PCDHGA6: variants seen among roughly 807,000 people sequenced by gnomAD.
The protein encoded by PCDHGA6 is protocadherin gamma-A6.
Under a neutral mutation model 60.6 loss-of-function variants are expected in PCDHGA6, and 41 were observed. The observed-to-expected ratio is 0.68, with a 90% confidence interval of 0.53 to 0.88. The LOEUF (loss-of-function observed/expected upper bound fraction) is 0.88, where lower values mean the gene tolerates loss of function less well. Among genes scored for constraint, PCDHGA6 ranks in the 40% least tolerant of loss-of-function variants. PCDHGA6 has a pLI of 0.00. For missense variants in PCDHGA6, 1,312 were observed against 1,203.0 expected (o/e 1.09, Z -1.34); for synonymous variants, 594 against 524.4 (o/e 1.13, Z -1.81).
intron 1 of PCDHGA6, among the ~76,000 whole-genome samples, chr5:141,386,638 G>A (rs1376557329): frequency 6.6e-6 from 1 of 151,840 alleles, no homozygotes; most frequent in Non-Finnish European, 1.5e-5. Flanking sequence ...CACCCAGGCT[G>A]GATACATTTT....
intron 1 of PCDHGA6, chr5:141,421,308 C>T: frequency 6.2e-7 from 1 of 1,613,678 alleles, no homozygotes; most frequent in Non-Finnish European, 8.5e-7. Flanking sequence ...TGCGGGGGTT[C>T]CGGGCCAGGC....
chr5:141,462,657 T>G (rs949098251), intron 1 of PCDHGA6, among the ~76,000 whole-genome samples: 1 of 152,164 alleles, frequency 6.6e-6, no homozygotes, highest in East Asian at 1.9e-4. Flanking sequence ...TCCTCAATTA[T>G]CTTCATATTT....
In PCDHGA6 at chr5:141,374,285, T is replaced by A; in HGVS notation, c.202T>A (p.Ser68Thr). 1 of 1,613,970 alleles carries A rather than the reference T, an allele frequency of 6.2e-7. No homozygotes were observed. Reference protein sequence around the residue: ...ELAEHGVRIVSRGRMQLFSLN... With the variant: ...ELAEHGVRIVTRGRMQLFSLN... ...GGCGGAGCACGGAGTCCGCATCGTC[T>A]CCAGAGGTAGGATGCAGCTTTTCTC... Residue 68 changes from serine to threonine, a missense_variant, in exon 1 of 4, where the codon TCC (serine) becomes ACC (threonine). By Grantham distance (58) the Ser-to-Thr change is moderately conservative. Coordinates refer to ENST00000517434, the MANE Select transcript of PCDHGA6 (RefSeq NM_018919.3).
In PCDHGA6 at chr5:141,491,463, C is replaced by CT. The variant is rs765984397; in HGVS notation, c.2425-3343dup. The CT allele has an allele frequency of 6.2e-7, 1 of 1,614,112 alleles. No homozygotes were observed. Among genetic ancestry groups the CT allele is most frequent in the Non-Finnish European group, 8.5e-7 (1 of 1,180,010 alleles). ...GCCAGGACTCACCCTCCCCGGACTT[C>CT]TATAAGCAGTCCAGCCCCAACCTGC... On this transcript the variant is annotated intron_variant, in intron 1 of 3. Coordinates refer to ENST00000517434, the MANE Select transcript of PCDHGA6 (RefSeq NM_018919.3). This position sits in a 1 kb window ranked among gnomAD's most constrained non-coding sequence, Gnocchi z 6.9.
intron 1 of PCDHGA6, chr5:141,382,901 TGGC>T (rs1204971797): frequency 6.5e-7 from 1 of 1,543,194 alleles, no homozygotes; most frequent in African/African-American, 1.4e-5. Context: ...AGGACGACTA[TGGC>T]GGCTCAGCCG....
rs1023591745 is a variant in PCDHGA6 at position 141,432,912 on chromosome 5, G to T, written c.2424+56405G>T. 2.5e-6 allele frequency: 4 copies of T among 1,614,160 alleles called. No individual in the cohort carries two copies. Among genetic ancestry groups the T allele is most frequent in the Non-Finnish European group, 3.4e-6 (4 of 1,180,012 alleles). On this transcript the variant is annotated intron_variant, in intron 1 of 3. Transcript: ENST00000517434. The surrounding 1 kb of genome is among the most constrained non-coding windows in gnomAD (Gnocchi z 6.0). Reference sequence around the variant, plus strand: ...TTGCTGCTGGCGCTCAGGCTGCGGCGCTGGCACAAGTCACGCCTGCTGCAG... The same window carrying T: ...TTGCTGCTGGCGCTCAGGCTGCGGCTCTGGCACAAGTCACGCCTGCTGCAG...
At chr5:141,509,275 G>A (rs185255724) in intron 3 of PCDHGA6, among the ~76,000 whole-genome samples, 1 of 152,096 alleles carries the variant, frequency 6.6e-6, no homozygotes, top group East Asian at 1.9e-4. Flanking sequence ...CTCGCTACCC[G>A]CTCCCAGGGT....
intron 1 of PCDHGA6, chr5:141,423,839 A>C: frequency 7.8e-7 from 1 of 1,279,970 alleles, no homozygotes; most frequent in Admixed American, 3.8e-5. Flanking sequence ...AGATTACGAT[A>C]ATCTTTCAGA....
intron 1 of PCDHGA6, chr5:141,384,826 G>C (rs750050142): frequency 6.2e-7 from 1 of 1,613,472 alleles, no homozygotes; most frequent in Non-Finnish European, 8.5e-7. Flanking sequence ...GCAGAGCCTC[G>C]TGGTGGCCGT....
At position 141,486,243 on chromosome 5, in the gene PCDHGA6, G is replaced by A. The variant is rs754924567; in HGVS notation, c.2425-8564G>A. 18 of 1,614,156 alleles carry A rather than the reference G, an allele frequency of 1.1e-5. No individual in the cohort carries two copies. The highest frequency in any genetic ancestry group is 1.4e-5 in the Non-Finnish European group (16 of 1,180,018). ...TACATCACAGTGACCTCAGAGCTTG[G>A]AACCCTCCCCGAGAGTGCAGAACCT... On this transcript the variant is annotated intron_variant, in intron 1 of 3. Coordinates refer to ENST00000517434, the MANE Select transcript of PCDHGA6 (RefSeq NM_018919.3). This position sits in a 1 kb window ranked among gnomAD's most constrained non-coding sequence, Gnocchi z 5.0.
chr5:141,510,853 CTGT>C, intron 3 of PCDHGA6, 91 bp from the exon 4 acceptor site: 3 of 1,601,238 alleles, frequency 1.9e-6, no homozygotes, highest in Middle Eastern at 1.7e-4. Context: ...GCCCAGGGTG[CTGT>C]ATAGGCATTC....
rs762926348 is a variant in PCDHGA6, at chr5:141,408,364, A to C, written c.2424+31857A>C. ...TGGTGGGGAACCTCGCTAAGGATCTAGGGCTCAGTGTCCTGGATGTGTCGG... is the reference window on the plus strand; with the variant it reads ...TGGTGGGGAACCTCGCTAAGGATCTCGGGCTCAGTGTCCTGGATGTGTCGG... On this transcript the variant is annotated intron_variant, in intron 1 of 3. Transcript: ENST00000517434. 3.7e-6 allele frequency: 6 copies of C among 1,613,960 alleles called. No individual in the cohort carries two copies. In the East Asian group the frequency reaches 1.3e-4, roughly 36 times the overall value.
At chr5:141,416,846 A>G (rs1412860680) in intron 1 of PCDHGA6, 2 of 152,120 alleles carry the variant, frequency 1.3e-5, no homozygotes, top group Non-Finnish European at 2.9e-5. Flanking sequence ...TTATAATTCC[A>G]TGATTTTTTT....
chr5:141,431,333 C>G lies in PCDHGA6; in HGVS notation c.2424+54826C>G. 1.2e-6 allele frequency: 2 copies of G among 1,614,058 alleles called. No individual in the cohort carries two copies. The highest frequency in any genetic ancestry group is 2.2e-5 in the South Asian group (2 of 91,088). Reference sequence around the variant, plus strand: ...AAATGGAGCCGACGGTAGTAAGTACCCCGAATTGGTGCTGAAACGCGCCCT... The same window carrying G: ...AAATGGAGCCGACGGTAGTAAGTACGCCGAATTGGTGCTGAAACGCGCCCT... On this transcript the variant is annotated intron_variant, in intron 1 of 3. Coordinates refer to ENST00000517434, the MANE Select transcript of PCDHGA6 (RefSeq NM_018919.3). The surrounding 1 kb of genome is among the most constrained non-coding windows in gnomAD (Gnocchi z 4.8).
At chr5:141,457,532 T>C (rs2098923599) in intron 1 of PCDHGA6, among the ~76,000 whole-genome samples, 1 of 152,058 alleles carries the variant, frequency 6.6e-6, no homozygotes, top group Admixed American at 6.6e-5. Flanking sequence ...GAGACTAGGG[T>C]TTAATGACAA....
At chr5:141,400,524 G>A (rs958686867) in intron 1 of PCDHGA6, 1 of 1,613,802 alleles carries the variant, frequency 6.2e-7, no homozygotes, top group Non-Finnish European at 8.5e-7. Context: ...ATCCTGAGTT[G>A]GTGAGTTTCA....
chr5:141,488,502 C>T (rs989368385), intron 1 of PCDHGA6, among the ~76,000 whole-genome samples: 2 of 152,146 alleles, frequency 1.3e-5, no homozygotes, highest in Non-Finnish European at 2.9e-5. Context: ...ACACTCATTC[C>T]ACATTTGGGG....
At chr5:141,474,002 G>A (rs1020912365) in intron 1 of PCDHGA6, among the ~76,000 whole-genome samples, 5 of 152,078 alleles carry the variant, frequency 3.3e-5, no homozygotes, top group Non-Finnish European at 5.9e-5. Context: ...CCAAGGAGCT[G>A]GAAGTTACAG....
In PCDHGA6 at chr5:141,404,595, T is replaced by C. The variant is rs1035989165; in HGVS notation, c.2424+28088T>C. On this transcript the variant is annotated intron_variant, in intron 1 of 3. Transcript: ENST00000517434. ...CCACCACTTAGCAGCAATGTGTCAT[T>C]GAGACTGTTTGTTTTGGACCAGAAT... is the stretch of plus-strand genomic sequence containing the variant. 44 of 1,613,678 alleles carry C rather than the reference T, an allele frequency of 2.7e-5. No homozygotes were observed. Among genetic ancestry groups the C allele is most frequent in the Non-Finnish European group, 3.6e-5 (43 of 1,179,690 alleles).
Sources: gnomAD v4.1 joint callset for allele counts (sites outside exome capture counted in the v4.1 genomes callset) on GRCh38, gnomAD v4.1.1 for gene constraint, Gnocchi (gnomAD v3.1) non-coding constraint, MANE v1.5 for transcripts, NCBI Gene and HGNC (gene_info 2026-07-23, HGNC 2026-07-21) for gene names.